Variants in SHLD1 observed in about 807,000 individuals in gnomAD.
SHLD1 encodes shieldin complex subunit 1.
A neutral mutation model predicts 5.5 loss-of-function variants in SHLD1; 3 were observed. That is an observed-to-expected ratio of 0.54 (90% confidence interval 0.25 to 1.40). The LOEUF (loss-of-function observed/expected upper bound fraction) is 1.40, where lower values mean the gene tolerates loss of function less well. Among genes scored for constraint, SHLD1 ranks in the 40% most tolerant of loss-of-function variants. The pLI is 0.15. For synonymous variants in SHLD1, 92 were observed against 94.3 expected (o/e 0.98, Z 0.14); for missense variants, 210 against 244.4 (o/e 0.86, Z 0.94).
intron 2 of SHLD1, among the ~76,000 whole-genome samples, chr20:5,813,685 T>G (rs62203933): frequency 0.029 from 4,417 of 152,242 alleles, 109 homozygotes; most frequent in South Asian, 0.077. Context: ...TCTGGAAGAA[T>G]TTTGGTATTA....
At chr20:5,762,539 T>TA (rs1187258399) in intron 1 of SHLD1, among the ~76,000 whole-genome samples, 2 of 152,170 alleles carry the variant, frequency 1.3e-5, no homozygotes, top group Admixed American at 6.5e-5. Context: ...ACAAAAATGT[T>TA]AGTCTTTCTC....
chr20:5,839,541 TAGAC>T (rs373331681), intron 2 of SHLD1, among the ~76,000 whole-genome samples: 8 of 146,824 alleles, frequency 5.4e-5, no homozygotes, highest in African/African-American at 1.5e-4. Context: ...GATAGACAGA[TAGAC>T]AGAAAAGCAG....
chr20:5,857,021 G>A (rs930477951), intron 2 of SHLD1, among the ~76,000 whole-genome samples: 11 of 152,130 alleles, frequency 7.2e-5, no homozygotes, highest in East Asian at 1.9e-4. Flanking sequence ...TCACTCTGTC[G>A]CCCAGGCTGG....
intron 2 of SHLD1, among the ~76,000 whole-genome samples, chr20:5,810,814 C>G (rs914493487): frequency 6.6e-6 from 1 of 150,802 alleles, no homozygotes; most frequent in Non-Finnish European, 1.5e-5. Context: ...GCAGGAGAAT[C>G]GCTTGAACCC....
intron 1 of SHLD1, among the ~76,000 whole-genome samples, chr20:5,756,498 G>A (rs1984110880): frequency 6.6e-6 from 1 of 151,860 alleles, no homozygotes; most frequent in African/African-American, 2.4e-5. Context: ...GTATTTCTAG[G>A]ATTGTATTCT....
At chr20:5,825,560 A>G (rs1256319059) in intron 2 of SHLD1, among the ~76,000 whole-genome samples, 1 of 152,246 alleles carries the variant, frequency 6.6e-6, no homozygotes, top group African/African-American at 2.4e-5. Flanking sequence ...AGACAACCTG[A>G]GTTAAGATGG....
intron 2 of SHLD1, among the ~76,000 whole-genome samples, chr20:5,860,064 C>T (rs2088140371): frequency 1.3e-5 from 2 of 150,812 alleles, no homozygotes; most frequent in Admixed American, 1.3e-4. Flanking sequence ...CCCCCGCTCT[C>T]TCCCACCCAC....
chr20:5,797,876 A>G (rs1314846642), intron 2 of SHLD1, among the ~76,000 whole-genome samples: 1 of 152,120 alleles, frequency 6.6e-6, no homozygotes, highest in Admixed American at 6.6e-5. Context: ...TGCCTATTAT[A>G]CATGTAGATA....
intron 2 of SHLD1, among the ~76,000 whole-genome samples, chr20:5,837,906 C>CAT (rs1244461582): frequency 6.6e-6 from 1 of 152,154 alleles, no homozygotes; most frequent in Non-Finnish European, 1.5e-5. Context: ...AAAGAATTCT[C>CAT]ATATAAGTGG....
chr20:5,853,360 C>T (rs2088036833), intron 2 of SHLD1, among the ~76,000 whole-genome samples: 1 of 152,050 alleles, frequency 6.6e-6, no homozygotes, highest in African/African-American at 2.4e-5. Flanking sequence ...GCAGGAGAAT[C>T]GCTTGAACCT....
chr20:5,771,363 G>A (rs1468122060), intron 1 of SHLD1, among the ~76,000 whole-genome samples: 1 of 152,154 alleles, frequency 6.6e-6, no homozygotes, highest in Admixed American at 6.6e-5. Context: ...ACTGGCAAAT[G>A]CAACCTTTTT....
At chr20:5,805,180 G>A (rs1441909439) in intron 2 of SHLD1, among the ~76,000 whole-genome samples, 3 of 152,118 alleles carry the variant, frequency 2.0e-5, no homozygotes, top group Admixed American at 6.5e-5. Context: ...TTTTTGAGAT[G>A]GAGTTTCGCT....
chr20:5,752,569 G>A (rs962586662), intron 1 of SHLD1, among the ~76,000 whole-genome samples: 8 of 150,946 alleles, frequency 5.3e-5, no homozygotes, highest in Non-Finnish European at 8.8e-5. Flanking sequence ...CAGCTTTGTA[G>A]CTTTGTAGGG....
intron 2 of SHLD1, among the ~76,000 whole-genome samples, chr20:5,857,333 G>C (rs2122506898): frequency 6.6e-6 from 1 of 152,058 alleles, no homozygotes; most frequent in East Asian, 1.9e-4. Flanking sequence ...ACTATTTTTA[G>C]AGCCACACAA....
At chr20:5,789,725 G>T (rs2087111868) in intron 2 of SHLD1, among the ~76,000 whole-genome samples, 1 of 152,110 alleles carries the variant, frequency 6.6e-6, no homozygotes, top group South Asian at 2.1e-4. Context: ...AACCAAAGGA[G>T]AACTTGGAGA....
chr20:5,762,694 G>C (rs1237171326), intron 1 of SHLD1, among the ~76,000 whole-genome samples: 1 of 151,792 alleles, frequency 6.6e-6, no homozygotes, highest in Admixed American at 6.6e-5. Flanking sequence ...AGCACCACAG[G>C]CCAGGCGTGG....
rs760545134 is a variant in SHLD1 at position 5,772,972 on chromosome 20, A to G, written c.107A>G (p.Gln36Arg). The change falls in exon 2 of 3, where the codon CAA becomes CGA. Residue 36 changes from glutamine to arginine, a missense_variant. By Grantham distance (43) the Gln-to-Arg change is conservative. Coordinates refer to ENST00000303142, the MANE Select transcript of SHLD1 (RefSeq NM_152504.4). ...GATTACGTCCTGCAGGGACCCAGCC[A>G]AGAAGCCAACAGCGAGGCTTTCAGT... ...IRDYVLQGPS[Q>R]EANSEAFSSL... 1.2e-6 allele frequency: 2 copies of G among 1,614,170 alleles called. No individual in the cohort carries two copies. The highest frequency in any genetic ancestry group is 1.3e-5 in the African/African-American group (1 of 75,042).
At chr20:5,810,344 T>G (rs530908629) in intron 2 of SHLD1, among the ~76,000 whole-genome samples, 1 of 152,092 alleles carries the variant, frequency 6.6e-6, no homozygotes, top group Non-Finnish European at 1.5e-5. Context: ...AGAGTGATCT[T>G]AGCATTAGGC....
chr20:5,846,662 G>C (rs1468915714), intron 2 of SHLD1, among the ~76,000 whole-genome samples: 2 of 152,184 alleles, frequency 1.3e-5, no homozygotes, highest in Admixed American at 6.5e-5. Context: ...GAAGGAAATT[G>C]CCTCCCTGGT....
Sources: gnomAD v4.1 joint callset for allele counts (sites outside exome capture counted in the v4.1 genomes callset) on GRCh38, gnomAD v4.1.1 for gene constraint, MANE v1.5 for transcripts, NCBI Gene and HGNC (gene_info 2026-07-23, HGNC 2026-07-21) for gene names.